The following VWA3B variants were observed in gnomAD, a reference collection of about 807,000 sequenced individuals.
VWA3B encodes the protein von Willebrand factor A domain-containing protein 3B.
Under a neutral mutation model 158.3 loss-of-function variants are expected in VWA3B, and 138 were observed. The ratio of observed to expected loss-of-function variants is 0.87; its 90% CI spans 0.76 to 1.00. VWA3B has a LOEUF of 1.00. Ranked by LOEUF, VWA3B falls within the 50% of genes least tolerant of loss-of-function variation. The probability of loss-of-function intolerance (pLI) is 0.00; values close to 1 mark genes in which losing one functional copy is unlikely to be tolerated. For missense variants in VWA3B, 1,555 were observed against 1,565.1 expected (o/e 0.99, Z 0.11); for synonymous variants, 596 against 587.3 (o/e 1.01, Z -0.21).
chr2:98,244,622 G>C (rs79110100), intron 19 of VWA3B, among the ~76,000 whole-genome samples: 5,921 of 152,084 alleles, frequency 0.039, 174 homozygotes, highest in Middle Eastern at 0.075. Context: ...TAGTTTTAGT[G>C]TTTTATTTAT....
chr2:98,134,986 T>C (rs1407935758), intron 7 of VWA3B, among the ~76,000 whole-genome samples: 1 of 152,094 alleles, frequency 6.6e-6, no homozygotes, highest in Non-Finnish European at 1.5e-5. Flanking sequence ...TTTGTTCCAA[T>C]CATGAAGGGG....
At chr2:98,278,794 T>C (rs1428844367) in intron 22 of VWA3B, among the ~76,000 whole-genome samples, 1 of 151,940 alleles carries the variant, frequency 6.6e-6, no homozygotes, top group Non-Finnish European at 1.5e-5. Context: ...AAGGCAACAT[T>C]CGAGAAGGAA....
chr2:98,326,247 A>G, the VWA3B span, among the ~76,000 whole-genome samples: 3 of 152,228 alleles, frequency 2.0e-5, no homozygotes, highest in Non-Finnish European at 2.9e-5. Flanking sequence ...CATTCAAATC[A>G]TAATAAAATA....
At chr2:98,318,530 T>A in the VWA3B span, among the ~76,000 whole-genome samples, 1 of 152,198 alleles carries the variant, frequency 6.6e-6, no homozygotes, top group Middle Eastern at 3.4e-3. Flanking sequence ...TGAGAACACA[T>A]GGACACATGG....
At chr2:98,185,483 G>A (rs929635295) in intron 9 of VWA3B, among the ~76,000 whole-genome samples, 4 of 152,170 alleles carry the variant, frequency 2.6e-5, no homozygotes, top group South Asian at 2.1e-4. Flanking sequence ...GTAAATTCAC[G>A]CCCACTAATG....
chr2:98,218,077 A>G (rs1313709491), intron 14 of VWA3B, 49 bp downstream of exon 14: 1 of 1,539,932 alleles, frequency 6.5e-7, no homozygotes, highest in South Asian at 1.3e-5. Context: ...TTTGAGCATT[A>G]CAGGCTGGCG....
intron 7 of VWA3B, among the ~76,000 whole-genome samples, chr2:98,149,251 T>G (rs1677420993): frequency 6.6e-6 from 1 of 152,206 alleles, no homozygotes; most frequent in South Asian, 2.1e-4. Flanking sequence ...TTGTTACTGG[T>G]GGAGGGCGTC....
chr2:98,180,439 GCCTT>G, intron 8 of VWA3B, among the ~76,000 whole-genome samples: 3 of 152,232 alleles, frequency 2.0e-5, no homozygotes, highest in African/African-American at 7.2e-5. Context: ...TGATCCACCT[GCCTT>G]GGCCTCCCAA....
chr2:98,307,571 A>G (rs1273262522), intron 26 of VWA3B, among the ~76,000 whole-genome samples: 1 of 152,242 alleles, frequency 6.6e-6, no homozygotes, highest in African/African-American at 2.4e-5. Flanking sequence ...CATAAAGTAC[A>G]TTGATTTCTT....
At chr2:98,223,273 A>G (rs557867299) in intron 14 of VWA3B, among the ~76,000 whole-genome samples, 11 of 149,762 alleles carry the variant, frequency 7.3e-5, no homozygotes, top group African/African-American at 2.7e-4. Context: ...GAACAACAAA[A>G]TTCAGTCACT....
chr2:98,252,001 A>T (rs1207253528), intron 20 of VWA3B, among the ~76,000 whole-genome samples: 3 of 152,136 alleles, frequency 2.0e-5, no homozygotes, highest in African/African-American at 4.8e-5. Flanking sequence ...CGTGGGTCGG[A>T]GACTTCCAGA....
In VWA3B at chr2:98,270,767, C is replaced by G; in HGVS notation, c.2929C>G (p.Leu977Val). Residue 977 changes from leucine to valine, a missense_variant, in exon 22 of 28, where the codon CTG becomes GTG. Transcript: ENST00000477737. Reference sequence around the variant, plus strand: ...AGAACGGTTGAATTGGCCCATTTCACTGAAAGAGCTGTCGATGCTGGAAAG... The same window carrying G: ...AGAACGGTTGAATTGGCCCATTTCAGTGAAAGAGCTGTCGATGCTGGAAAG... ...ALERLNWPISLKELSMLESEI... is the reference protein window; with the variant it reads ...ALERLNWPISVKELSMLESEI... 12 of 1,614,138 alleles carry G rather than the reference C, an allele frequency of 7.4e-6. No homozygotes were observed. The highest frequency in any genetic ancestry group is 1.0e-5 in the Non-Finnish European group (12 of 1,179,994).
intron 7 of VWA3B, among the ~76,000 whole-genome samples, chr2:98,156,455 C>T (rs1273103301): frequency 2.0e-5 from 3 of 152,142 alleles, no homozygotes; most frequent in Non-Finnish European, 4.4e-5. Context: ...GAGATAGGGC[C>T]GTTGCTGAGG....
At chr2:98,328,559 C>A in the VWA3B span, among the ~76,000 whole-genome samples, 1 of 152,070 alleles carries the variant, frequency 6.6e-6, no homozygotes, top group Admixed American at 6.5e-5. Flanking sequence ...AATAACAAGT[C>A]ATTGAAAATA....
rs774192855 is a variant in VWA3B, at chr2:98,217,865, A to G, written c.1856A>G (p.Asp619Gly). ...TTTCAGCCACCTGAAACAGTTATAGACCAGGTCAAACGTTTTCAGGAAATT... is the reference window on the plus strand; with the variant it reads ...TTTCAGCCACCTGAAACAGTTATAGGCCAGGTCAAACGTTTTCAGGAAATT... Reference protein sequence around the residue: ...RPDQPPETVIDQVKRFQEIPI... With the variant: ...RPDQPPETVIGQVKRFQEIPI... Residue 619 changes from aspartate (D) to glycine (G), a missense_variant, in exon 14 of 28, where the codon GAC becomes GGC. Asp to Gly is a moderately conservative substitution (Grantham distance 94). Coordinates refer to ENST00000477737, the MANE Select transcript of VWA3B (RefSeq NM_144992.5). 4.2e-5 allele frequency: 68 copies of G among 1,607,500 alleles called. No individual in the cohort carries two copies. Among genetic ancestry groups the G allele is most frequent in the Non-Finnish European group, 5.7e-5 (67 of 1,177,890 alleles).
chr2:98,120,184 C>T (rs1014546527), intron 4 of VWA3B, among the ~76,000 whole-genome samples: 18 of 152,102 alleles, frequency 1.2e-4, no homozygotes, highest in African/African-American at 4.3e-4. Context: ...ATAAGTTGAC[C>T]CCTTTCACCA....
At position 98,230,126 on chromosome 2, in the gene VWA3B, C is replaced by A. The variant is rs199690271; in HGVS notation, c.2227C>A (p.Gln743Lys). 1.2e-5 allele frequency: 20 copies of A among 1,611,814 alleles called. No homozygotes were observed. In the African/African-American group the frequency reaches 2.1e-4, roughly 17 times the overall value. ...AKPQSDVDST[Q>K]TSSLNMLKGP... Reference sequence around the variant, plus strand: ...GCCTCAATCTGATGTCGATTCAACACAAACTTCATCTCTGAATATGTTGAA... The same window carrying A: ...GCCTCAATCTGATGTCGATTCAACAAAAACTTCATCTCTGAATATGTTGAA... The change falls in exon 16 of 28, where the codon CAA becomes AAA. Residue 743 changes from glutamine to lysine, a missense_variant. Transcript: ENST00000477737.
At chr2:98,135,325 CTTTTTTTTTTT>C (rs397873615) in intron 7 of VWA3B, among the ~76,000 whole-genome samples, 14 of 96,392 alleles carry the variant, frequency 1.5e-4, no homozygotes, top group East Asian at 6.5e-4. Flanking sequence ...AAACATTTTT[CTTTTTTTTTTT>C]TTTTTTTTTT....
Position 98,119,698 on chromosome 2 carries a change from C to G in VWA3B, c.477C>G (p.Cys159Trp). The G allele has an allele frequency of 6.2e-7, 1 of 1,614,012 alleles. No individual in the cohort carries two copies. Among genetic ancestry groups the G allele is most frequent in the South Asian group, 1.1e-5 (1 of 91,064 alleles). Reference sequence around the variant, plus strand: ...TTCTGGAGGGGGAGCTTGATCTGTGCCGAGAGGCTCTAACAATGGTTCTCC... The same window carrying G: ...TTCTGGAGGGGGAGCTTGATCTGTGGCGAGAGGCTCTAACAATGGTTCTCC... ...GGILEGELDLCREALTMVLQE... is the reference protein window; with the variant it reads ...GGILEGELDLWREALTMVLQE... The change falls in exon 4 of 28, where the codon TGC becomes TGG. Residue 159 changes from cysteine (C) to tryptophan (W), a missense_variant. Physicochemically the swap from Cys to Trp is radical, Grantham distance 215. Transcript: ENST00000477737.
Sources: allele counts gnomAD v4.1 joint callset (sites outside exome capture counted in the v4.1 genomes callset), GRCh38; gene constraint gnomAD v4.1.1; transcripts MANE v1.5; gene names NCBI Gene and HGNC (gene_info 2026-07-23, HGNC 2026-07-21).